The following ZNF229 variants were observed in gnomAD, a reference collection of about 807,000 sequenced individuals.
ZNF229 encodes the protein zinc finger protein 229.
In ZNF229, 10 loss-of-function variants were observed where a neutral mutation model predicts 11.8. The observed-to-expected ratio is 0.85, with a 90% CI of 0.52 to 1.44. The LOEUF (loss-of-function observed/expected upper bound fraction) is 1.44. Ranked by LOEUF, ZNF229 falls within the 40% of genes most tolerant of loss-of-function variation. ZNF229 has a pLI of 0.00. For synonymous variants in ZNF229, 368 were observed against 374.8 expected (o/e 0.98, Z 0.21); for missense variants, 1,045 against 1,015.1 (o/e 1.03, Z -0.40).
In ZNF229 at chr19:44,432,275, A is replaced by G; in HGVS notation, c.185T>C (p.Val62Ala). 1 of 1,613,862 alleles carries G rather than the reference A, an allele frequency of 6.2e-7. No homozygotes were observed. ...TAGGTTCCTGAAATTCTCCTGCATC[A>G]CATCTTGGTACAGCTGCCTCTGGGT... ...DSTQRQLYQD[V>A]MQENFRNLLS... is the part of the protein sequence containing the mutation. Residue 62 changes from valine (V) to alanine (A), a missense_variant, in exon 5 of 6, where the codon GTG (valine) becomes GCG (alanine). Val to Ala is a moderately conservative substitution (Grantham distance 64, BLOSUM62 0). Transcript: ENST00000614049.
chr19:44,442,898 T>G lies in ZNF229; in HGVS notation c.-51A>C, dbSNP rs747761891. 1.9e-6 allele frequency: 3 copies of G among 1,601,748 alleles called. No individual in the cohort carries two copies. Among genetic ancestry groups the G allele is most frequent in the Non-Finnish European group, 8.5e-7 (1 of 1,170,666 alleles). Reference sequence around the variant, plus strand: ...AGCAGCAGCAACTGTATTTATTCTCTGGTTTTCCTAAGCTGGAGACGCAGA... The same window carrying G: ...AGCAGCAGCAACTGTATTTATTCTCGGGTTTTCCTAAGCTGGAGACGCAGA... On this transcript the variant is annotated 5_prime_UTR_variant, in exon 3 of 6. Coordinates refer to ENST00000614049, the MANE Select transcript of ZNF229 (RefSeq NM_014518.4).
Position 44,429,089 on chromosome 19 carries a change from C to A in ZNF229, c.1692G>T (p.Arg564Ser), listed in dbSNP as rs780469575. ...TATAGGGTTTCTCTCCTGTGTGGAC[C>A]CTCTGATGGATGTGGAGGTCGGAGC... Reference protein sequence around the residue: ...GRSSDLHIHQRVHTGEKPYKC... With the variant: ...GRSSDLHIHQSVHTGEKPYKC... Residue 564 changes from arginine to serine, a missense_variant, in exon 6 of 6, where the codon AGG becomes AGT. Arg to Ser is a moderately radical substitution (Grantham distance 110). Transcript: ENST00000614049. The A allele has an allele frequency of 3.7e-6, 6 of 1,613,760 alleles. No individual in the cohort carries two copies. The South Asian group carries it at 4.4e-5, about 12-fold the overall frequency.
intron 2 of ZNF229, among the ~76,000 whole-genome samples, chr19:44,447,269 T>G (rs1972018528): frequency 6.9e-6 from 1 of 145,060 alleles, no homozygotes; most frequent in African/African-American, 2.5e-5. Context: ...ATTTCTACCC[T>G]GCGTTTCTTC....
chr19:44,442,476 GCT>G, intron 4 of ZNF229, 85 bp downstream of exon 4: 2 of 1,386,902 alleles, frequency 1.4e-6, no homozygotes, highest in South Asian at 2.4e-5. Context: ...TACATTTTTC[GCT>G]CTTTTTCCTT....
At chr19:44,443,450 C>A (rs571616124) in intron 2 of ZNF229, among the ~76,000 whole-genome samples, 1 of 152,242 alleles carries the variant, frequency 6.6e-6, no homozygotes, top group African/African-American at 2.4e-5. Flanking sequence ...CTTTAGTCAG[C>A]GTTTTTAACT....
chr19:44,432,426 G>A, intron 4 of ZNF229, 60 bp from the exon 5 acceptor site: 3 of 1,586,692 alleles, frequency 1.9e-6, no homozygotes, highest in South Asian at 2.3e-5. Flanking sequence ...GGTGTCCACA[G>A]AGCAGGTTTA....
At chr19:44,436,934 T>C (rs1212066389) in intron 4 of ZNF229, among the ~76,000 whole-genome samples, 1 of 151,862 alleles carries the variant, frequency 6.6e-6, no homozygotes, top group African/African-American at 2.4e-5. Flanking sequence ...TATATATATA[T>C]TTTATATATT....
rs1971677912 is a variant in ZNF229, at chr19:44,429,810, A to G, written c.971T>C (p.Leu324Pro). ...VPTGEKSVKS[L>P]ERGRGVRQNT... ...CTGTCTGACGCCCCGACCACGCTCA[A>G]GACTCTTAACAGATTTCTCTCCTGT... The change falls in exon 6 of 6, where the codon CTT (leucine) becomes CCT (proline). Residue 324 changes from leucine to proline, a missense_variant. Coordinates refer to ENST00000614049, the MANE Select transcript of ZNF229 (RefSeq NM_014518.4). 1.9e-6 allele frequency: 3 copies of G among 1,613,920 alleles called. No homozygotes were observed. Among genetic ancestry groups the G allele is most frequent in the South Asian group, 2.2e-5 (2 of 91,090 alleles).
At chr19:44,437,377 T>C (rs1038245768) in intron 4 of ZNF229, among the ~76,000 whole-genome samples, 2 of 152,148 alleles carry the variant, frequency 1.3e-5, no homozygotes, top group Admixed American at 1.3e-4. Flanking sequence ...TATTTAAAAA[T>C]GGTCAACATG....
rs78530734 is a variant in ZNF229, at chr19:44,429,388, C to T, written c.1393G>A (p.Glu465Lys). ...HPGEKPYSCG[E>K]CGKGFSCSSH... ...CTGCAGCTGAATCCCTTTCCACACT[C>T]GCCACAGCTGTAGGGCTTTTCTCCA... The change falls in exon 6 of 6, where the codon GAG becomes AAG. Residue 465 changes from glutamate to lysine, a missense_variant. Glu to Lys is a moderately conservative substitution (Grantham distance 56, BLOSUM62 1). Coordinates refer to ENST00000614049, the MANE Select transcript of ZNF229 (RefSeq NM_014518.4). 1.6e-3 allele frequency: 2,525 copies of T among 1,614,064 alleles called. 32 individuals are homozygous for T. In the African/African-American group the frequency reaches 0.029, roughly 19 times the overall value.
chr19:44,428,683 G>C lies in ZNF229; in HGVS notation c.2098C>G (p.Arg700Gly), dbSNP rs370335801. ...GKGFSYGSNL[R>G]THQRLHTGEK... ...CCTGTGTGCAACCTCTGGTGGGTGC[G>C]AAGATTAGAGCCATAACTGAATCCC... is the stretch of plus-strand genomic sequence containing the variant. Residue 700 changes from arginine (R) to glycine (G), a missense_variant, in exon 6 of 6, where the codon CGC (arginine) becomes GGC (glycine). Arg to Gly is a moderately radical substitution (Grantham distance 125). Coordinates refer to ENST00000614049, the MANE Select transcript of ZNF229 (RefSeq NM_014518.4). 1.2e-6 allele frequency: 2 copies of C among 1,613,934 alleles called. No individual in the cohort carries two copies. Among genetic ancestry groups the C allele is most frequent in the African/African-American group, 2.7e-5 (2 of 74,922 alleles).
chr19:44,438,714 A>G (rs1223360570), intron 4 of ZNF229, among the ~76,000 whole-genome samples: 1 of 152,134 alleles, frequency 6.6e-6, no homozygotes, highest in Non-Finnish European at 1.5e-5. Flanking sequence ...CTGAGGGTGA[A>G]GTTGATCACT....
In ZNF229 at chr19:44,429,386, C is replaced by T. The variant is rs1346832974; in HGVS notation, c.1395G>A (p.Glu465=). Residue 465 remains glutamate (E), a synonymous_variant, in exon 6 of 6, where the codon GAG becomes GAA. Coordinates refer to ENST00000614049, the MANE Select transcript of ZNF229 (RefSeq NM_014518.4). ...AGCTGCAGCTGAATCCCTTTCCACA[C>T]TCGCCACAGCTGTAGGGCTTTTCTC... The part of the protein sequence containing the change: ...HPGEKPYSCG[E]CGKGFSCSSH... 7.4e-6 allele frequency: 12 copies of T among 1,613,982 alleles called. No homozygotes were observed. The South Asian group carries it at 8.8e-5, about 12-fold the overall frequency.
Position 44,442,514 on chromosome 19 carries a change from T to C in ZNF229, c.93+49A>G, listed in dbSNP as rs555631937. ...TTACCGAGAAGGGACGTATGTTTTC[T>C]CTCTGATGCCTAAGGTGGTATTTCG... On this transcript the variant is annotated intron_variant, in intron 4 of 5. Coordinates refer to ENST00000614049, the MANE Select transcript of ZNF229 (RefSeq NM_014518.4). The C allele has an allele frequency of 7.0e-5, 112 of 1,595,714 alleles. 1 individual carries two copies. In the South Asian group the frequency reaches 1.2e-3, roughly 17 times the overall value.
Position 44,429,503 on chromosome 19 carries a change from C to G in ZNF229, c.1278G>C (p.Leu426=), listed in dbSNP as rs961717356. The part of the protein sequence containing the change: ...YSSVLQVHQR[L]HTGEKPYTCS... ...AGGTGTAGGGCTTCTCCCCTGTGTG[C>G]AGCCTCTGATGGACTTGAAGCACTG... Residue 426 remains leucine, a synonymous_variant, in exon 6 of 6, where the codon CTG becomes CTC. Coordinates refer to ENST00000614049, the MANE Select transcript of ZNF229 (RefSeq NM_014518.4). The G allele has an allele frequency of 6.2e-7, 1 of 1,612,020 alleles. No individual in the cohort carries two copies. Among genetic ancestry groups the G allele is most frequent in the African/African-American group, 1.3e-5 (1 of 74,794 alleles).
In ZNF229 at chr19:44,429,270, AG is replaced by A; in HGVS notation, c.1510del (p.Leu504PhefsTer316). 6.2e-7 allele frequency: 1 copy of A among 1,614,062 alleles called. No individual in the cohort carries two copies. Among genetic ancestry groups the A allele is most frequent in the Non-Finnish European group, 8.5e-7 (1 of 1,180,024 alleles). ...CGKGFSHNSY[L>X]QAHQRVHMGQ... ...CATGTGAACTCTCTGGTGAGCTTGAAGGTACGAGTTGTGACTGAAACCTTTG... is the reference window on the plus strand; with the variant it reads ...CATGTGAACTCTCTGGTGAGCTTGAAGTACGAGTTGTGACTGAAACCTTTG... On this transcript the variant is annotated frameshift_variant, in exon 6 of 6. Transcript: ENST00000614049. LOFTEE classifies it low-confidence loss of function (END_TRUNC).
At position 44,429,943 on chromosome 19, in the gene ZNF229, G is replaced by C; in HGVS notation, c.838C>G (p.Leu280Val). 2 of 1,613,924 alleles carry C rather than the reference G, an allele frequency of 1.2e-6. No homozygotes were observed. The highest frequency in any genetic ancestry group is 1.7e-6 in the Non-Finnish European group (2 of 1,179,886). The change falls in exon 6 of 6, where the codon CTT (leucine) becomes GTT (valine). Residue 280 changes from leucine (L) to valine (V), a missense_variant. Physicochemically the swap from Leu to Val is conservative, Grantham distance 32. Transcript: ENST00000614049. ...YRNGFRDDAD[L>V]PPHPRVPLKE... ...AAAGGTACTCTTGGATGCGGGGGAAGGTCTGCATCGTCCCTGAAGCCATTT... is the reference window on the plus strand; with the variant it reads ...AAAGGTACTCTTGGATGCGGGGGAACGTCTGCATCGTCCCTGAAGCCATTT...
Position 44,430,149 on chromosome 19 carries a change from G to A in ZNF229, c.632C>T (p.Thr211Ile), listed in dbSNP as rs61744740. 3,177 of 1,614,048 alleles carry A rather than the reference G, an allele frequency of 2.0e-3. 48 individuals carry two copies. The African/African-American group carries it at 0.034, about 17-fold the overall frequency. The change falls in exon 6 of 6, where the codon ACA (threonine) becomes ATA (isoleucine). Residue 211 changes from threonine to isoleucine, a missense_variant. Transcript: ENST00000614049. ...ERCKNLDTEDTVYKCNWDDDS... is the reference protein window; with the variant it reads ...ERCKNLDTEDIVYKCNWDDDS... ...ATCATCCCAGTTACATTTATATACTGTGTCTTCTGTGTCGAGATTTTTACA... is the reference window on the plus strand; with the variant it reads ...ATCATCCCAGTTACATTTATATACTATGTCTTCTGTGTCGAGATTTTTACA...
In ZNF229 at chr19:44,442,012, G is replaced by A. The variant is rs144627165; in HGVS notation, c.93+551C>T. Among the ~76,000 whole-genome samples the A allele has an allele frequency of 2.4e-3, 369 of 152,276 alleles. 3 individuals are homozygous for A. Among genetic ancestry groups the A allele is most frequent in the Non-Finnish European group, 4.5e-3 (303 of 68,006 alleles). ...CTTTTCATATGATTAGTGGGCATTA[G>A]TTTTTCTCTGCTCCCTTCCTGAACA... On this transcript the variant is annotated intron_variant, in intron 4 of 5. Coordinates refer to ENST00000614049, the MANE Select transcript of ZNF229 (RefSeq NM_014518.4).
Sources: allele counts gnomAD v4.1 joint callset (sites outside exome capture counted in the v4.1 genomes callset), GRCh38; gene constraint gnomAD v4.1.1; transcripts MANE v1.5; gene names NCBI Gene and HGNC (gene_info 2026-07-23, HGNC 2026-07-21).